The following SMURF1 variants were observed in gnomAD, a reference collection of about 807,000 sequenced individuals.
The protein encoded by SMURF1 is E3 ubiquitin-protein ligase SMURF1.
SMURF1 carries 44 observed loss-of-function variants against 98.0 expected under a neutral mutation model. That is an observed-to-expected ratio of 0.45 (90% CI 0.35 to 0.58). SMURF1 has a LOEUF of 0.58. Among genes scored for constraint, SMURF1 ranks in the 20% least tolerant of loss-of-function variants. The pLI is 0.00. For missense variants in SMURF1, 687 were observed against 938.4 expected, an observed-to-expected ratio of 0.73 and a Z score of 3.50; for synonymous variants, 396 against 374.9, an observed-to-expected ratio of 1.06 and a Z score of -0.65.
chr7:99,090,028 C>A (rs149041547), intron 1 of SMURF1, among the ~76,000 whole-genome samples: 114 of 152,290 alleles, frequency 7.5e-4, no homozygotes, highest in Middle Eastern at 3.4e-3. Flanking sequence ...TGGAAAAAAA[C>A]TGATGAATTG....
Position 99,040,393 on chromosome 7 carries a change from C to A in SMURF1, c.1535G>T (p.Ser512Ile). The change falls in exon 13 of 18, where the codon AGC becomes ATC. Residue 512 changes from serine (S) to isoleucine (I), a missense_variant. Transcript: ENST00000361368. ...CAATACTTACAGGATCCACACCAAG[C>A]TCTTATGCAGCTCTGGGTCCACAGA... ...LESVDPELHK[S>I]LVWILENDIT... 2 of 1,541,916 alleles carry A rather than the reference C, an allele frequency of 1.3e-6. No individual in the cohort carries two copies. Among genetic ancestry groups the A allele is most frequent in the Non-Finnish European group, 1.7e-6 (2 of 1,145,004 alleles).
chr7:99,143,231 A>G lies in SMURF1; in HGVS notation c.55+495T>C, dbSNP rs545843463. 3.8e-3 allele frequency among the ~76,000 whole-genome samples: 414 copies of G among 109,896 alleles called. 2 individuals carry two copies. The highest frequency in any genetic ancestry group is 6.2e-3 in the Non-Finnish European group (332 of 53,444). The allele number at this position is 109,896 out of a possible 152,430, so 72.1% of individuals were successfully genotyped here. ...GGAAAGGTGGGGAAGAGAAAGGACC[A>G]CAGGGATGGAGGTGAAAGGCAAGGG... On this transcript the variant is annotated intron_variant, in intron 1 of 17. Transcript: ENST00000361368.
intron 1 of SMURF1, among the ~76,000 whole-genome samples, chr7:99,118,613 T>C (rs547349551): frequency 6.6e-6 from 1 of 152,308 alleles, no homozygotes; most frequent in South Asian, 2.1e-4. Flanking sequence ...CAGAAGCAGA[T>C]TAGTAGTTGT....
At chr7:99,076,405 C>G (rs1796459733) in intron 1 of SMURF1, among the ~76,000 whole-genome samples, 1 of 152,242 alleles carries the variant, frequency 6.6e-6, no homozygotes, top group African/African-American at 2.4e-5. Context: ...GAGAATGGTA[C>G]TTCACTTCTG....
In SMURF1 at chr7:99,107,724, C is replaced by T. The variant is rs554076324; in HGVS notation, c.55+36002G>A. On this transcript the variant is annotated intron_variant, in intron 1 of 17. Transcript: ENST00000361368. ...GGAAGCAAGAAATATTAAGCTCCTCCCAGGCTTCTCGGAGCCAGTCCCAGG... is the reference window on the plus strand; with the variant it reads ...GGAAGCAAGAAATATTAAGCTCCTCTCAGGCTTCTCGGAGCCAGTCCCAGG... Among the ~76,000 whole-genome samples, 17 of 152,296 alleles carry T rather than the reference C, an allele frequency of 1.1e-4. No individual in the cohort carries two copies. In the South Asian group the frequency reaches 3.3e-3, roughly 30 times the overall value.
chr7:99,049,476 A>G (rs958697446), intron 9 of SMURF1, 87 bp downstream of exon 9: 2 of 1,323,472 alleles, frequency 1.5e-6, no homozygotes, highest in Admixed American at 2.0e-5. Flanking sequence ...CCAGCAAGAC[A>G]GTCAATAAAT....
intron 1 of SMURF1, among the ~76,000 whole-genome samples, chr7:99,132,912 A>C (rs923276244): frequency 6.6e-6 from 1 of 152,090 alleles, no homozygotes; most frequent in African/African-American, 2.4e-5. Flanking sequence ...AAATGACATG[A>C]TCTGATTTAT....
At chr7:99,074,668 C>G (rs925155329) in intron 1 of SMURF1, among the ~76,000 whole-genome samples, 2 of 151,750 alleles carry the variant, frequency 1.3e-5, no homozygotes, top group Admixed American at 1.3e-4. Context: ...ATATGACCAA[C>G]AAAAGACCTG....
intron 1 of SMURF1, among the ~76,000 whole-genome samples, chr7:99,075,681 C>T (rs1796438625): frequency 6.6e-6 from 1 of 150,904 alleles, no homozygotes. Flanking sequence ...TCATGTGTAA[C>T]AACAGCTCAG....
chr7:99,089,224 C>A (rs996779098), intron 1 of SMURF1, among the ~76,000 whole-genome samples: 4 of 145,644 alleles, frequency 2.7e-5, no homozygotes, highest in Non-Finnish European at 6.3e-5. Flanking sequence ...AGAAAGAAAT[C>A]AATCAATCAG....
rs561511163 is a variant in SMURF1, at chr7:99,081,950, G to C, written c.56-20113C>G. Among the ~76,000 whole-genome samples, 5 of 152,316 alleles carry C rather than the reference G, an allele frequency of 3.3e-5. No homozygotes were observed. The South Asian group carries it at 8.3e-4, about 25-fold the overall frequency. On this transcript the variant is annotated intron_variant, in intron 1 of 17. Transcript: ENST00000361368. ...TTACAGGCATGAGCCACCACACCTG[G>C]CCTGATCGCATTTTTTAATTTTAGC... is the stretch of plus-strand genomic sequence containing the variant.
At chr7:99,096,035 A>AT (rs1053846296) in intron 1 of SMURF1, among the ~76,000 whole-genome samples, 2 of 152,138 alleles carry the variant, frequency 1.3e-5, no homozygotes, top group African/African-American at 4.8e-5. Context: ...GTGTGGGCTA[A>AT]CCTTCAAAGG....
intron 17 of SMURF1, chr7:99,032,815 C>T (rs1378219491): frequency 1.9e-5 from 13 of 695,698 alleles, no homozygotes; most frequent in South Asian, 5.4e-5. Flanking sequence ...TATACAGTGT[C>T]GTAATGTCGG....
At chr7:99,059,153 A>T (rs1033415596) in intron 3 of SMURF1, among the ~76,000 whole-genome samples, 4 of 151,908 alleles carry the variant, frequency 2.6e-5, no homozygotes, top group African/African-American at 9.7e-5. Context: ...TAATCCCAGC[A>T]CTTTGGGAGG....
intron 6 of SMURF1, among the ~76,000 whole-genome samples, chr7:99,053,698 T>A (rs561017941): frequency 3.3e-5 from 5 of 152,342 alleles, no homozygotes; most frequent in African/African-American, 1.2e-4. Flanking sequence ...CCTGGTTCCC[T>A]GTATTTCCAA....
intron 1 of SMURF1, among the ~76,000 whole-genome samples, chr7:99,072,672 T>C (rs1033673948): frequency 1.3e-5 from 2 of 151,812 alleles, no homozygotes; most frequent in Non-Finnish European, 2.9e-5. Context: ...AATCCGAAGG[T>C]GAGGATGAAG....
At chr7:99,132,699 G>GGGAC (rs1554451190) in intron 1 of SMURF1, among the ~76,000 whole-genome samples, 2 of 147,292 alleles carry the variant, frequency 1.4e-5, no homozygotes, top group Non-Finnish European at 3.0e-5. Flanking sequence ...CAGACACACG[G>GGGAC]ACACACACAC....
intron 1 of SMURF1, among the ~76,000 whole-genome samples, chr7:99,129,650 C>T (rs1256459896): frequency 6.6e-6 from 1 of 152,226 alleles, no homozygotes; most frequent in Non-Finnish European, 1.5e-5. Flanking sequence ...CCTCAACCTC[C>T]CCAAATATTG....
rs573191427 is a variant in SMURF1 at position 99,038,742 on chromosome 7, G to GT, written c.1551-218dup. Reference sequence around the variant, plus strand: ...GATGTCCCGGCTCCTGGCTTCCACAGTCATAGAAGGCGGGCAGCAGGTTGC... The same window carrying GT: ...GATGTCCCGGCTCCTGGCTTCCACAGTTCATAGAAGGCGGGCAGCAGGTTGC... On this transcript the variant is annotated intron_variant, in intron 13 of 17. Coordinates refer to ENST00000361368, the MANE Select transcript of SMURF1 (RefSeq NM_181349.3). Among the ~76,000 whole-genome samples, 413 of 152,260 alleles carry GT rather than the reference G, an allele frequency of 2.7e-3. 2 individuals carry two copies. The highest frequency in any genetic ancestry group is 9.7e-3 in the African/African-American group (404 of 41,554).
Sources: allele counts gnomAD v4.1 joint callset (sites outside exome capture counted in the v4.1 genomes callset), GRCh38; gene constraint gnomAD v4.1.1; transcripts MANE v1.5; gene names NCBI Gene and HGNC (gene_info 2026-07-23, HGNC 2026-07-21).